Variants in RTKN2 observed in about 807,000 individuals in gnomAD.
The protein encoded by RTKN2 is rhotekin-2.
Under a neutral mutation model 71.5 loss-of-function variants are expected in RTKN2, and 69 were observed. The observed-to-expected ratio is 0.96, with a 90% confidence interval of 0.79 to 1.18. The LOEUF is 1.18. Ranked by LOEUF, RTKN2 falls within the 50% of genes most tolerant of loss-of-function variation. RTKN2 has a pLI of 0.00. For synonymous variants in RTKN2, 236 were observed against 236.5 expected (o/e 1.00, Z 0.02); for missense variants, 724 against 719.7 (o/e 1.01, Z -0.07).
At chr10:62,226,815 G>C (rs1456296650) in intron 6 of RTKN2, among the ~76,000 whole-genome samples, 1 of 152,210 alleles carries the variant, frequency 6.6e-6, no homozygotes, top group Non-Finnish European at 1.5e-5. Context: ...ATCAAAGTAG[G>C]CTGGGCATGG....
At chr10:62,214,910 G>A (rs1434507602) in intron 9 of RTKN2, 1 of 510,066 alleles carries the variant, frequency 2.0e-6, no homozygotes, top group East Asian at 3.3e-5. Flanking sequence ...GGAAAAGGGT[G>A]AGCCATATAA....
chr10:62,247,046 CTAATT>C (rs1180867105), intron 2 of RTKN2, among the ~76,000 whole-genome samples: 4 of 151,984 alleles, frequency 2.6e-5, no homozygotes, highest in African/African-American at 9.6e-5. Flanking sequence ...TAACTACCAG[CTAATT>C]TAATTTGTTA....
chr10:62,245,643 A>C (rs1842464259), intron 3 of RTKN2, among the ~76,000 whole-genome samples: 1 of 152,138 alleles, frequency 6.6e-6, no homozygotes, highest in Non-Finnish European at 1.5e-5. Context: ...CAAAACATTA[A>C]AAACATTATT....
intron 5 of RTKN2, among the ~76,000 whole-genome samples, chr10:62,237,859 A>C (rs1053811444): frequency 7.3e-5 from 11 of 151,590 alleles, no homozygotes; most frequent in African/African-American, 2.7e-4. Context: ...AGGAGGTATT[A>C]GATATATATT....
chr10:62,248,441 T>C (rs1027120707), intron 2 of RTKN2, among the ~76,000 whole-genome samples: 2 of 152,162 alleles, frequency 1.3e-5, no homozygotes, highest in Non-Finnish European at 2.9e-5. Context: ...TTGCTTAATA[T>C]AAATACTTGT....
At chr10:62,262,070 T>C (rs1254302838) in intron 2 of RTKN2, among the ~76,000 whole-genome samples, 9 of 152,224 alleles carry the variant, frequency 5.9e-5, no homozygotes, top group African/African-American at 2.2e-4. Context: ...GAGCAGAAGT[T>C]ATTAATACTT....
Position 62,195,458 on chromosome 10 carries a change from TA to T in RTKN2, c.*2449del. ...CTTAACTATTTTTAGATTTTTTTTTTAAACTGTAAAGGAAGGGAGGAAGGAG... is the reference window on the plus strand; with the variant it reads ...CTTAACTATTTTTAGATTTTTTTTTTAACTGTAAAGGAAGGGAGGAAGGAG... On this transcript the variant is annotated 3_prime_UTR_variant, in exon 12 of 12. Coordinates refer to ENST00000373789, the MANE Select transcript of RTKN2 (RefSeq NM_145307.4). The T allele has an allele frequency of 1.0e-6, 1 of 967,810 alleles. No homozygotes were observed. Among genetic ancestry groups the T allele is most frequent in the Non-Finnish European group, 1.2e-6 (1 of 814,402 alleles). 60.0% of individuals were successfully genotyped at this position (967,810 alleles called of 1,614,324 possible).
chr10:62,254,594 T>G (rs1354703007), intron 2 of RTKN2, among the ~76,000 whole-genome samples: 3 of 152,170 alleles, frequency 2.0e-5, no homozygotes, highest in Admixed American at 6.6e-5. Context: ...TATATACGTA[T>G]ACACACACAA....
At chr10:62,217,613 C>G (rs1841803464) in intron 8 of RTKN2, among the ~76,000 whole-genome samples, 1 of 152,148 alleles carries the variant, frequency 6.6e-6, no homozygotes, top group African/African-American at 2.4e-5. Flanking sequence ...AAAAACAATT[C>G]TGTATGTTCA....
chr10:62,262,808 T>C lies in RTKN2; in HGVS notation c.74A>G (p.Gln25Arg). 1 of 1,608,056 alleles carries C rather than the reference T, an allele frequency of 6.2e-7. No individual in the cohort carries two copies. Among genetic ancestry groups the C allele is most frequent in the Non-Finnish European group, 8.5e-7 (1 of 1,177,060 alleles). The change falls in exon 2 of 12, where the codon CAA becomes CGA. Residue 25 changes from glutamine to arginine, a missense_variant. Gln to Arg is a conservative substitution (Grantham distance 43). Coordinates refer to ENST00000373789, the MANE Select transcript of RTKN2 (RefSeq NM_145307.4). ...GLPTQQDCNIQEKIDLEIRMR... is the reference protein window; with the variant it reads ...GLPTQQDCNIREKIDLEIRMR... The stretch of plus-strand genomic sequence containing the variant: ...TCGAATTTCTAAGTCTATTTTTTCT[T>C]GAATGTTGCAGTCCTAAAAAAAAAA...
At position 62,193,191 on chromosome 10, in the gene RTKN2, G is replaced by A. The variant is rs1265002637; in HGVS notation, c.*4717C>T. On this transcript the variant is annotated 3_prime_UTR_variant, in exon 12 of 12. Transcript: ENST00000373789. ...ATATTTTTAAGCAAGACACCAAAAA[G>A]TATTCATTTTCAACAAAACAATTTA... 1 of 842,368 alleles carries A rather than the reference G, an allele frequency of 1.2e-6. No homozygotes were observed. The highest frequency in any genetic ancestry group is 1.4e-6 in the Non-Finnish European group (1 of 699,884). 52.2% of individuals were successfully genotyped at this position (842,368 alleles called of 1,614,324 possible). A position where few individuals can be genotyped will look rare whatever the true frequency, so the allele number is the denominator to read the frequency against.
intron 6 of RTKN2, among the ~76,000 whole-genome samples, chr10:62,227,013 C>A (rs1321893989): frequency 6.6e-6 from 1 of 152,150 alleles, no homozygotes; most frequent in South Asian, 2.1e-4. Context: ...ACGTTTCCCA[C>A]TTAAAATAAT....
intron 7 of RTKN2, among the ~76,000 whole-genome samples, chr10:62,219,738 C>T (rs927560636): frequency 6.6e-6 from 1 of 151,618 alleles, no homozygotes; most frequent in Admixed American, 6.6e-5. Context: ...TGCTTGCACC[C>T]AGGAGTTTGA....
intron 8 of RTKN2, among the ~76,000 whole-genome samples, chr10:62,185,146 T>C (rs933382010): frequency 5.3e-5 from 8 of 152,174 alleles, no homozygotes; most frequent in Admixed American, 1.3e-4. Flanking sequence ...TCATGACAGC[T>C]TGACTTGTCA....
intron 2 of RTKN2, among the ~76,000 whole-genome samples, chr10:62,247,032 T>C (rs1238855216): frequency 2.0e-5 from 3 of 152,122 alleles, no homozygotes; most frequent in Non-Finnish European, 2.9e-5. Context: ...TTTGGTCAGC[T>C]AATTAACTAC....
At chr10:62,257,456 T>C (rs1421574109) in intron 2 of RTKN2, among the ~76,000 whole-genome samples, 2 of 152,188 alleles carry the variant, frequency 1.3e-5, no homozygotes, top group African/African-American at 4.8e-5. Context: ...TCAAGGAAAC[T>C]TTGAGGCAGG....
Position 62,203,342 on chromosome 10 carries a change from ATT to A in RTKN2, c.1186+1513_1186+1514del, listed in dbSNP as rs35304270. ...AAGTTATACACCTGAGATCTGCTGA[ATT>A]TTTTTTTTTTTTTTTTAAAGACAAG... On this transcript the variant is annotated intron_variant, in intron 10 of 11. Coordinates refer to ENST00000373789, the MANE Select transcript of RTKN2 (RefSeq NM_145307.4). 4.1e-3 allele frequency among the ~76,000 whole-genome samples: 586 copies of A among 143,426 alleles called. 1 individual carries two copies. Among genetic ancestry groups the A allele is most frequent in the Admixed American group, 4.1e-3 (59 of 14,382 alleles). 94.1% of individuals were successfully genotyped at this position (143,426 alleles called of 152,430 possible). A position where few individuals can be genotyped will look rare whatever the true frequency, so the allele number is the denominator to read the frequency against.
intron 1 of RTKN2, among the ~76,000 whole-genome samples, chr10:62,266,458 C>T (rs1842870254): frequency 6.6e-6 from 1 of 152,058 alleles, no homozygotes; most frequent in Admixed American, 6.5e-5. Flanking sequence ...TCTCATTTTG[C>T]TAAAAGAAAC....
chr10:62,198,534 T>C, intron 11 of RTKN2, 91 bp from the exon 12 acceptor site: 2 of 941,134 alleles, frequency 2.1e-6, no homozygotes, highest in Non-Finnish European at 1.5e-6. Flanking sequence ...TAGTATGCTA[T>C]ATACAATGGT....
Sources: allele counts gnomAD v4.1 joint callset (sites outside exome capture counted in the v4.1 genomes callset), GRCh38; gene constraint gnomAD v4.1.1; transcripts MANE v1.5; gene names NCBI Gene and HGNC (gene_info 2026-07-23, HGNC 2026-07-21).